PLA2R1: variants seen among roughly 807,000 people sequenced by gnomAD.
PLA2R1 encodes the protein phospholipase A2 receptor 1.
In PLA2R1, 158 loss-of-function variants were observed where a neutral mutation model predicts 195.9. The ratio of observed to expected loss-of-function variants is 0.81; its 90% CI spans 0.71 to 0.92. The LOEUF (loss-of-function observed/expected upper bound fraction) is 0.92, where lower values mean the gene tolerates loss of function less well. PLA2R1 is among the 40% of genes least tolerant of loss of function. The pLI is 0.00. For synonymous variants in PLA2R1, 586 were observed against 598.2 expected, an observed-to-expected ratio of 0.98 and a Z score of 0.30; for missense variants, 1,626 against 1,764.6, an observed-to-expected ratio of 0.92 and a Z score of 1.41.
chr2:160,000,468 A>T (rs769888288), intron 11 of PLA2R1, among the ~76,000 whole-genome samples: 2 of 152,178 alleles, frequency 1.3e-5, no homozygotes, highest in Non-Finnish European at 2.9e-5. Flanking sequence ...AACAAATGCT[A>T]ATTTTCACTG....
intron 9 of PLA2R1, 94 bp from the exon 10 acceptor site, chr2:160,013,469 T>C (rs540427930): frequency 1.6e-6 from 1 of 630,880 alleles, no homozygotes; most frequent in South Asian, 2.3e-5. Context: ...CTACATAACT[T>C]TCTTCTCTTA....
At chr2:159,965,998 A>G (rs547843576) in intron 20 of PLA2R1, among the ~76,000 whole-genome samples, 1 of 152,348 alleles carries the variant, frequency 6.6e-6, no homozygotes, top group South Asian at 2.1e-4. Flanking sequence ...ATGCGTATTC[A>G]CTGTGAAGTT....
intron 27 of PLA2R1, chr2:159,945,689 T>C: frequency 2.0e-6 from 1 of 500,284 alleles, no homozygotes; most frequent in South Asian, 8.6e-5. Context: ...AGCAGCATGA[T>C]TTATAGTCCT....
chr2:160,001,345 A>AATTGTATTATCTAAATCTATTTTTTTATT (rs1691581460), intron 11 of PLA2R1, among the ~76,000 whole-genome samples: 1 of 152,084 alleles, frequency 6.6e-6, no homozygotes, highest in Non-Finnish European at 1.5e-5. Context: ...AAAGAATGAA[A>AATTGTATTATCTAAATCTATTTTTTTATT]TGAGAAAAGA....
chr2:159,970,142 T>G lies in PLA2R1; in HGVS notation c.2660+6A>C. 6.3e-7 allele frequency: 1 copy of G among 1,578,094 alleles called. No homozygotes were observed. The highest frequency in any genetic ancestry group is 8.7e-7 in the Non-Finnish European group (1 of 1,150,522). On this transcript the variant is annotated splice_donor_region_variant and intron_variant, in intron 18 of 29. Transcript: ENST00000283243. ...AAATTAAATGCAAATGAATCTAGGT[T>G]CATACCGAAATTCATCATTGGCTCT...
chr2:160,010,275 A>T (rs1021381718), intron 10 of PLA2R1, among the ~76,000 whole-genome samples: 5 of 152,232 alleles, frequency 3.3e-5, no homozygotes, highest in African/African-American at 1.2e-4. Flanking sequence ...CCAATTATCC[A>T]TTATAATTTT....
At chr2:160,056,200 CAG>C (rs3063687) in intron 1 of PLA2R1, among the ~76,000 whole-genome samples, 31,131 of 151,904 alleles carry the variant, frequency 0.2, 4,274 homozygotes, top group African/African-American at 0.38. Context: ...CAGAATGGAA[CAG>C]GGGGAAATGT....
At chr2:160,024,416 A>C (rs1341232222) in intron 6 of PLA2R1, among the ~76,000 whole-genome samples, 7 of 151,986 alleles carry the variant, frequency 4.6e-5, no homozygotes, top group Non-Finnish European at 1.0e-4. Flanking sequence ...CCCTGCCTCC[A>C]AAGAAATGGT....
intron 23 of PLA2R1, among the ~76,000 whole-genome samples, chr2:159,953,685 T>G (rs552624313): frequency 6.6e-6 from 1 of 151,830 alleles, no homozygotes; most frequent in East Asian, 1.9e-4. Context: ...CTGTACTATC[T>G]CTAAAGGAAA....
intron 1 of PLA2R1, among the ~76,000 whole-genome samples, chr2:160,060,774 C>T (rs1241283232): frequency 2.0e-5 from 3 of 152,194 alleles, no homozygotes; most frequent in Non-Finnish European, 4.4e-5. Context: ...TCTGTGTGGC[C>T]CAGTCCAACT....
intron 1 of PLA2R1, among the ~76,000 whole-genome samples, chr2:160,047,691 C>T (rs1480516940): frequency 6.6e-6 from 1 of 152,196 alleles, no homozygotes; most frequent in Non-Finnish European, 1.5e-5. Context: ...CCTGTAAAGT[C>T]TACACTGTAG....
Position 159,941,798 on chromosome 2 carries a change from G to T in PLA2R1, c.4372C>A (p.Leu1458Ile). The part of the protein sequence containing the change: ...YLEENILISD[L>I]EKSDQ ...CATTATTATTGGTCACTCTTCTCAA[G>T]ATCAGAAATGAGAATATTTTCTTCT... Residue 1458 changes from leucine (L) to isoleucine (I), a missense_variant, in exon 30 of 30, where the codon CTT (leucine) becomes ATT (isoleucine). By Grantham distance (5) the Leu-to-Ile change is conservative. Coordinates refer to ENST00000283243, the MANE Select transcript of PLA2R1 (RefSeq NM_007366.5). 6.3e-7 allele frequency: 1 copy of T among 1,595,136 alleles called. No homozygotes were observed. The highest frequency in any genetic ancestry group is 8.6e-7 in the Non-Finnish European group (1 of 1,163,120).
In PLA2R1 at chr2:160,042,728, A is replaced by C. The variant is rs1243812542; in HGVS notation, c.494-530T>G. ...AAAGCAAATATACAAGTAAACATACAGTATCATTGCAGGTAGCGGTGCCAT... is the reference window on the plus strand; with the variant it reads ...AAAGCAAATATACAAGTAAACATACCGTATCATTGCAGGTAGCGGTGCCAT... On this transcript the variant is annotated intron_variant, in intron 2 of 29. Coordinates refer to ENST00000283243, the MANE Select transcript of PLA2R1 (RefSeq NM_007366.5). Among the ~76,000 whole-genome samples, 3 of 152,130 alleles carry C rather than the reference A, an allele frequency of 2.0e-5. No homozygotes were observed. The South Asian group carries it at 6.2e-4, about 32-fold the overall frequency.
chr2:159,977,132 C>A (rs1560168193), intron 15 of PLA2R1, 152 bp downstream of exon 15: 6 of 608,826 alleles, frequency 9.9e-6, no homozygotes, highest in Non-Finnish European at 1.7e-5. Flanking sequence ...GTCGCCTTTT[C>A]CCATTTCCTA....
chr2:159,989,071 G>C (rs3792167), intron 11 of PLA2R1, among the ~76,000 whole-genome samples: 33,228 of 152,122 alleles, frequency 0.22, 4,123 homozygotes, highest in Admixed American at 0.38. Flanking sequence ...TGGTAAAAGA[G>C]GAAACACGCT....
chr2:159,988,123 T>C (rs1315350571), intron 11 of PLA2R1, among the ~76,000 whole-genome samples: 2 of 149,472 alleles, frequency 1.3e-5, no homozygotes, highest in Non-Finnish European at 3.0e-5. Context: ...ATTCTTAAGA[T>C]TGTCAGCAAA....
intron 1 of PLA2R1, among the ~76,000 whole-genome samples, chr2:160,048,715 T>C (rs1201932578): frequency 6.6e-6 from 1 of 152,250 alleles, no homozygotes; most frequent in Non-Finnish European, 1.5e-5. Context: ...GCTTGAACAC[T>C]GATTAAGTGA....
intron 3 of PLA2R1, among the ~76,000 whole-genome samples, chr2:160,036,912 ATTC>A (rs1694199738): frequency 6.6e-6 from 1 of 152,134 alleles, no homozygotes; most frequent in Non-Finnish European, 1.5e-5. Flanking sequence ...GAGGTGGCGA[ATTC>A]TTCTTTTAGT....
At chr2:160,053,156 C>G (rs972823220) in intron 1 of PLA2R1, among the ~76,000 whole-genome samples, 1 of 152,134 alleles carries the variant, frequency 6.6e-6, no homozygotes, top group African/African-American at 2.4e-5. Flanking sequence ...CTCTCCTTGG[C>G]CCCTAGAGGA....
Sources: allele counts gnomAD v4.1 joint callset (sites outside exome capture counted in the v4.1 genomes callset), GRCh38; gene constraint gnomAD v4.1.1; transcripts MANE v1.5; gene names NCBI Gene and HGNC (gene_info 2026-07-23, HGNC 2026-07-21).